Variants in DSCAM observed in about 807,000 individuals in gnomAD.
The protein encoded by DSCAM is cell adhesion molecule DSCAM.
A neutral mutation model predicts 217.7 loss-of-function variants in DSCAM; 47 were observed. The observed-to-expected ratio is 0.22, with a 90% CI of 0.17 to 0.28. The LOEUF (loss-of-function observed/expected upper bound fraction) is 0.28, where lower values mean the gene tolerates loss of function less well. Ranked by LOEUF, DSCAM falls within the 10% of genes least tolerant of loss-of-function variation. The pLI is 1.00. For synonymous variants in DSCAM, 1,056 were observed against 1,015.3 expected (o/e 1.04, Z -0.76); for missense variants, 2,080 against 2,618.3 (o/e 0.79, Z 4.49).
At chr21:40,760,521 G>T (rs1569023220) in intron 1 of DSCAM, among the ~76,000 whole-genome samples, 1 of 152,166 alleles carries the variant, frequency 6.6e-6, no homozygotes, top group Non-Finnish European at 1.5e-5. Flanking sequence ...AACTGCAGAG[G>T]TCCTGGGCAC....
intron 11 of DSCAM, among the ~76,000 whole-genome samples, chr21:40,225,436 T>C (rs1451155516): frequency 6.6e-6 from 1 of 152,118 alleles, no homozygotes. Context: ...CCCACTCAAA[T>C]ACTCTACAAT....
rs1270212239 is a variant in DSCAM, at chr21:40,312,231, G to A, written c.1912C>T (p.Pro638Ser). The A allele has an allele frequency of 6.2e-6, 10 of 1,613,954 alleles. No homozygotes were observed. Among genetic ancestry groups the A allele is most frequent in the African/African-American group, 1.3e-5 (1 of 74,880 alleles). The change falls in exon 9 of 33, where the codon CCT (proline) becomes TCT (serine). Residue 638 changes from proline (P) to serine (S), a missense_variant. Physicochemically the swap from Pro to Ser is moderately conservative, Grantham distance 74 (BLOSUM62 -1). This residue lies in a region of DSCAM where 218 missense variants were observed against 364.1 expected (regional missense o/e 0.60). Coordinates refer to ENST00000400454, the MANE Select transcript of DSCAM (RefSeq NM_001389.5). Reference sequence around the variant, plus strand: ...TCAATGGTCACCCCAAGGCTCCCAGGGATTGGCCGGCCATCCTTCTGCCAG... The same window carrying A: ...TCAATGGTCACCCCAAGGCTCCCAGAGATTGGCCGGCCATCCTTCTGCCAG... ...ITWQKDGRPI[P>S]GSLGVTIDNI...
chr21:40,517,953 A>G (rs1162696238), intron 3 of DSCAM, among the ~76,000 whole-genome samples: 1 of 151,874 alleles, frequency 6.6e-6, no homozygotes, highest in African/African-American at 2.4e-5. Context: ...TCTGAGTATG[A>G]GCTTTAGCCC....
At chr21:40,505,311 C>CT in intron 3 of DSCAM, among the ~76,000 whole-genome samples, 1 of 152,268 alleles carries the variant, frequency 6.6e-6, no homozygotes, top group East Asian at 1.9e-4. Flanking sequence ...CAAAGGAAAA[C>CT]AGGATAGAGT....
chr21:40,136,251 G>A (rs1416346378), intron 18 of DSCAM, among the ~76,000 whole-genome samples: 1 of 152,204 alleles, frequency 6.6e-6, no homozygotes, highest in African/African-American at 2.4e-5. Flanking sequence ...TCTGAAGGAC[G>A]GGTCTTTCCA....
At chr21:40,021,861 C>T (rs2088278935) in intron 32 of DSCAM, among the ~76,000 whole-genome samples, 1 of 152,142 alleles carries the variant, frequency 6.6e-6, no homozygotes, top group Admixed American at 6.5e-5. Context: ...GAGCTTGTCC[C>T]CCTCCACTAA....
At chr21:40,413,547 C>A (rs2075342602) in intron 3 of DSCAM, among the ~76,000 whole-genome samples, 1 of 152,222 alleles carries the variant, frequency 6.6e-6, no homozygotes, top group Non-Finnish European at 1.5e-5. Flanking sequence ...TTGCCAATTT[C>A]TCCTATTTCT....
At chr21:40,179,169 G>A in intron 14 of DSCAM, 75 bp from the exon 15 acceptor site, 3 of 201,414 alleles carry the variant, frequency 1.5e-5, no homozygotes, top group South Asian at 1.8e-4. Context: ...AAGTTCACAA[G>A]TAGGAATTAA....
At chr21:40,583,978 A>G (rs1270176970) in intron 3 of DSCAM, among the ~76,000 whole-genome samples, 1 of 151,414 alleles carries the variant, frequency 6.6e-6, no homozygotes, top group African/African-American at 2.4e-5. Context: ...CTGTATTTTG[A>G]AAAGCATGAT....
At chr21:40,132,710 G>C (rs899328017) in intron 19 of DSCAM, among the ~76,000 whole-genome samples, 8 of 152,358 alleles carry the variant, frequency 5.3e-5, no homozygotes, top group African/African-American at 1.9e-4. Context: ...AGAGCAGAGA[G>C]TGACGTGGAA....
intron 3 of DSCAM, among the ~76,000 whole-genome samples, chr21:40,440,293 C>T (rs2075619629): frequency 6.6e-6 from 1 of 152,214 alleles, no homozygotes; most frequent in African/African-American, 2.4e-5. Flanking sequence ...AGGCTCAGGC[C>T]TGAGTCTTGG....
chr21:40,737,375 C>A (rs1204539756), intron 1 of DSCAM, among the ~76,000 whole-genome samples: 1 of 152,104 alleles, frequency 6.6e-6, no homozygotes, highest in African/African-American at 2.4e-5. Context: ...CAGTGGCTCA[C>A]GCCTGTAATG....
intron 1 of DSCAM, among the ~76,000 whole-genome samples, chr21:40,787,305 G>A (rs937027774): frequency 2.0e-5 from 3 of 152,148 alleles, no homozygotes; most frequent in Admixed American, 6.5e-5. Context: ...CGAATGATGT[G>A]TCCTAACTGG....
intron 1 of DSCAM, among the ~76,000 whole-genome samples, chr21:40,729,511 A>G (rs1171992502): frequency 6.6e-6 from 1 of 152,206 alleles, no homozygotes; most frequent in African/African-American, 2.4e-5. Flanking sequence ...GAGCTCATCT[A>G]AAGCCTTATA....
chr21:40,527,763 G>C (rs1418818819), intron 3 of DSCAM, among the ~76,000 whole-genome samples: 1 of 152,222 alleles, frequency 6.6e-6, no homozygotes, highest in East Asian at 1.9e-4. Context: ...TGCAGTGCCT[G>C]TTTCTGCTGT....
intron 4 of DSCAM, among the ~76,000 whole-genome samples, chr21:40,356,388 GAT>G (rs60717299): frequency 0.035 from 5,088 of 147,062 alleles, 173 homozygotes; most frequent in East Asian, 0.098. Context: ...GCTTGATAGT[GAT>G]ATATATATAT....
chr21:40,560,387 C>G (rs922475659), intron 3 of DSCAM, among the ~76,000 whole-genome samples: 1 of 152,090 alleles, frequency 6.6e-6, no homozygotes, highest in Non-Finnish European at 1.5e-5. Context: ...TCCGGAAATT[C>G]CTGGCCAGCT....
At chr21:40,379,675 C>A (rs547342764) in intron 3 of DSCAM, among the ~76,000 whole-genome samples, 9 of 152,336 alleles carry the variant, frequency 5.9e-5, no homozygotes, top group Non-Finnish European at 1.3e-4. Context: ...AGTTGCCTCT[C>A]TGAAGACAAA....
intron 4 of DSCAM, among the ~76,000 whole-genome samples, chr21:40,362,823 T>C (rs1039305880): frequency 1.8e-4 from 27 of 152,158 alleles, no homozygotes; most frequent in African/African-American, 5.1e-4. Context: ...GGTGTGCATA[T>C]GTAAGTATAT....
Sources: gnomAD v4.1 joint callset for allele counts (sites outside exome capture counted in the v4.1 genomes callset) on GRCh38, gnomAD v4.1.1 for gene constraint, gnomAD v4.1.1 regional missense constraint, MANE v1.5 for transcripts, NCBI Gene and HGNC (gene_info 2026-07-23, HGNC 2026-07-21) for gene names.